The following SPATA6 variants were observed in gnomAD, a reference collection of about 807,000 sequenced individuals.
SPATA6 encodes spermatogenesis-associated protein 6.
A neutral mutation model predicts 65.3 loss-of-function variants in SPATA6; 56 were observed. The observed-to-expected ratio is 0.86, with a 90% CI of 0.69 to 1.07. The LOEUF (loss-of-function observed/expected upper bound fraction) is 1.07, where lower values mean the gene tolerates loss of function less well. Ranked by LOEUF, SPATA6 falls within the 50% of genes least tolerant of loss-of-function variation. The probability of loss-of-function intolerance (pLI) is 0.00; values close to 1 mark genes in which losing one functional copy is unlikely to be tolerated. For synonymous variants in SPATA6, 199 were observed against 213.2 expected, an observed-to-expected ratio of 0.93 and a Z score of 0.58; for missense variants, 590 against 594.8, an observed-to-expected ratio of 0.99 and a Z score of 0.08.
intron 9 of SPATA6, among the ~76,000 whole-genome samples, chr1:48,369,389 C>CAGAG (rs1205475531): frequency 6.6e-6 from 1 of 152,210 alleles, no homozygotes; most frequent in Non-Finnish European, 1.5e-5. Flanking sequence ...GTGGAGCCTA[C>CAGAG]AGAGGCAGGC....
chr1:48,263,644 A>T, the SPATA6 span, among the ~76,000 whole-genome samples: 1 of 152,180 alleles, frequency 6.6e-6, no homozygotes, highest in Non-Finnish European at 1.5e-5. Context: ...TACTCTACTC[A>T]TAAAGCCTTT....
At chr1:48,286,026 C>T in the SPATA6 span, among the ~76,000 whole-genome samples, 1 of 152,262 alleles carries the variant, frequency 6.6e-6, no homozygotes, top group South Asian at 2.1e-4. Context: ...TTCCACTGAT[C>T]CATGTGTCTG....
At position 48,296,198 on chromosome 1, in the gene SPATA6, T is replaced by C. The variant is rs938531782; in HGVS notation, c.*2515A>G. 1 of 151,868 alleles carries C rather than the reference T, an allele frequency of 6.6e-6. No individual in the cohort carries two copies. Among genetic ancestry groups the C allele is most frequent in the Non-Finnish European group, 1.5e-5 (1 of 67,970 alleles). The allele number at this position is 151,868 out of a possible 1,614,324, so 9.4% of individuals were successfully genotyped here. Reference sequence around the variant, plus strand: ...AAGAGAATAAACAACTGCACCTTTCTGCTCCTGTGAATGAGAAAAGACAAC... The same window carrying C: ...AAGAGAATAAACAACTGCACCTTTCCGCTCCTGTGAATGAGAAAAGACAAC... On this transcript the variant is annotated 3_prime_UTR_variant, in exon 13 of 13. Coordinates refer to ENST00000371847, the MANE Select transcript of SPATA6 (RefSeq NM_019073.4).
the SPATA6 span, among the ~76,000 whole-genome samples, chr1:48,280,860 G>C: frequency 1.3e-5 from 2 of 152,176 alleles, no homozygotes; most frequent in African/African-American, 2.4e-5. Context: ...TGATACCAAA[G>C]CCGAGCAGAG....
At chr1:48,266,393 C>T in the SPATA6 span, among the ~76,000 whole-genome samples, 1 of 152,096 alleles carries the variant, frequency 6.6e-6, no homozygotes, top group Non-Finnish European at 1.5e-5. Flanking sequence ...CCGTGTGACC[C>T]ACAGGAGACA....
chr1:48,437,115 G>C, intron 3 of SPATA6: 1 of 1,598,372 alleles, frequency 6.3e-7, no homozygotes, highest in South Asian at 1.1e-5. Flanking sequence ...TACTTTCACG[G>C]TTGCCTCCTG....
the SPATA6 span, among the ~76,000 whole-genome samples, chr1:48,283,909 G>A: frequency 6.6e-6 from 1 of 151,860 alleles, no homozygotes; most frequent in Non-Finnish European, 1.5e-5. Flanking sequence ...TATGTGTCTT[G>A]GGGTTGCTCT....
chr1:48,410,354 C>T (rs1557677009), intron 5 of SPATA6, among the ~76,000 whole-genome samples: 1 of 152,178 alleles, frequency 6.6e-6, no homozygotes, highest in African/African-American at 2.4e-5. Context: ...ATATCACTAA[C>T]AGCATTATAG....
intron 8 of SPATA6, among the ~76,000 whole-genome samples, chr1:48,394,256 AG>A (rs138535993): frequency 0.016 from 2,492 of 152,222 alleles, 81 homozygotes; most frequent in African/African-American, 0.057. Flanking sequence ...TTTGATTAAA[AG>A]TTATTAGAAA....
At position 48,389,798 on chromosome 1, in the gene SPATA6, T is replaced by C. The variant is rs1210347722; in HGVS notation, c.869-4449A>G. Among the ~76,000 whole-genome samples the C allele has an allele frequency of 2.6e-5, 4 of 152,060 alleles. No homozygotes were observed. The East Asian group carries it at 7.7e-4, about 29-fold the overall frequency. On this transcript the variant is annotated intron_variant, in intron 8 of 12. Transcript: ENST00000371847. ...GATGTGATCAAGGGAACTCTAAACC[T>C]GAAAGCAAAAGAATGACCTTTACCA...
chr1:48,428,305 A>T (rs1480540913), intron 3 of SPATA6, among the ~76,000 whole-genome samples: 10 of 152,114 alleles, frequency 6.6e-5, no homozygotes, highest in African/African-American at 1.2e-4. Context: ...AAATACAAAA[A>T]TAGCTGGGCG....
chr1:48,409,722 C>G (rs1176344425), intron 5 of SPATA6, among the ~76,000 whole-genome samples: 2 of 152,266 alleles, frequency 1.3e-5, no homozygotes, highest in Non-Finnish European at 1.5e-5. Context: ...CTCAACACCA[C>G]ATGGAAGCTG....
At chr1:48,426,099 G>A (rs750730020) in intron 3 of SPATA6, among the ~76,000 whole-genome samples, 2 of 152,182 alleles carry the variant, frequency 1.3e-5, no homozygotes, top group African/African-American at 2.4e-5. Flanking sequence ...GGCTTGTAAT[G>A]AGAAAATGTA....
At chr1:48,293,106 A>G (rs939361683), downstream of SPATA6, among the ~76,000 whole-genome samples, 1 of 152,112 alleles carries the variant, frequency 6.6e-6, no homozygotes, top group South Asian at 2.1e-4. Context: ...GGCTGACACA[A>G]TGCCCTCTGT....
chr1:48,329,592 G>C (rs1355757824), intron 11 of SPATA6, among the ~76,000 whole-genome samples: 1 of 152,202 alleles, frequency 6.6e-6, no homozygotes, highest in Non-Finnish European at 1.5e-5. Context: ...AAAGTGGGCG[G>C]GGCCAATATG....
At chr1:48,353,503 T>C (rs1035961635) in intron 11 of SPATA6, among the ~76,000 whole-genome samples, 1 of 150,114 alleles carries the variant, frequency 6.7e-6, no homozygotes, top group Non-Finnish European at 1.5e-5. Context: ...ACCAAAGAAT[T>C]GAAAAATATA....
In SPATA6 at chr1:48,321,160, A is replaced by C. The variant is rs12036071; in HGVS notation, c.1195-15282T>G. Reference sequence around the variant, plus strand: ...ACAAAAATGGCAGAAGTAAGTCTTTACTTATCAATAATAACACTGAATGAA... The same window carrying C: ...ACAAAAATGGCAGAAGTAAGTCTTTCCTTATCAATAATAACACTGAATGAA... On this transcript the variant is annotated intron_variant, in intron 11 of 12. Coordinates refer to ENST00000371847, the MANE Select transcript of SPATA6 (RefSeq NM_019073.4). 0.02 allele frequency among the ~76,000 whole-genome samples: 2,996 copies of C among 152,272 alleles called. 121 individuals carry two copies. In the East Asian group the frequency reaches 0.2, roughly 10 times the overall value.
intron 12 of SPATA6, among the ~76,000 whole-genome samples, chr1:48,302,146 T>C (rs957279643): frequency 5.3e-5 from 8 of 152,254 alleles, no homozygotes; most frequent in Non-Finnish European, 7.3e-5. Flanking sequence ...TGGACTGATA[T>C]TGTGAACTAT....
intron 11 of SPATA6, among the ~76,000 whole-genome samples, chr1:48,337,403 A>G (rs1181627576): frequency 6.6e-6 from 1 of 151,902 alleles, no homozygotes. Context: ...CAAGAAATCT[A>G]CAAAAAGTAT....
Sources: gnomAD v4.1 joint callset for allele counts (sites outside exome capture counted in the v4.1 genomes callset) on GRCh38, gnomAD v4.1.1 for gene constraint, MANE v1.5 for transcripts, NCBI Gene and HGNC (gene_info 2026-07-23, HGNC 2026-07-21) for gene names.